CHD1L: variants seen among roughly 807,000 people sequenced by gnomAD.
CHD1L encodes the protein ATP-dependent chromatin remodeler CHD1L.
In CHD1L, 118 loss-of-function variants were observed where a neutral mutation model predicts 115.9. That is an observed-to-expected ratio of 1.02 (90% CI 0.88 to 1.19). The LOEUF (loss-of-function observed/expected upper bound fraction) is 1.19, where lower values mean the gene tolerates loss of function less well. Among genes scored for constraint, CHD1L ranks in the 50% most tolerant of loss-of-function variants. The probability of loss-of-function intolerance (pLI) is 0.00; values close to 1 mark genes in which losing one functional copy is unlikely to be tolerated. For synonymous variants in CHD1L, 411 were observed against 387.1 expected, an observed-to-expected ratio of 1.06 and a Z score of -0.72; for missense variants, 1,179 against 1,065.3, an observed-to-expected ratio of 1.11 and a Z score of -1.49.
At chr1:147,178,270 T>G in the CHD1L span, 8 of 1,613,576 alleles carry the variant, frequency 5.0e-6, no homozygotes, top group South Asian at 8.8e-5. Flanking sequence ...CGTCGAGTTC[T>G]TCGCCCCCTG....
At chr1:147,262,839 A>G (rs1672445729) in intron 6 of CHD1L, among the ~76,000 whole-genome samples, 1 of 152,090 alleles carries the variant, frequency 6.6e-6, no homozygotes. Flanking sequence ...AAATCAAAAT[A>G]TAGAAAGACA....
chr1:147,224,215 T>C, the CHD1L span: 1 of 262,992 alleles, frequency 3.8e-6, no homozygotes, highest in South Asian at 3.9e-5. Flanking sequence ...GGTGGCAGTT[T>C]TCAGAACCAA....
intron 13 of CHD1L, 38 bp from the exon 14 acceptor site, chr1:147,276,066 C>A: frequency 6.2e-7 from 1 of 1,609,656 alleles, no homozygotes; most frequent in South Asian, 1.1e-5. Flanking sequence ...GCTTTGCACA[C>A]CCTTATAGCA....
At chr1:147,257,972 A>T (rs1424967597) in intron 5 of CHD1L, among the ~76,000 whole-genome samples, 1 of 152,170 alleles carries the variant, frequency 6.6e-6, no homozygotes, top group Admixed American at 6.5e-5. Flanking sequence ...TAACAGAGGG[A>T]CATTTATAAT....
chr1:147,209,238 T>G, the CHD1L span, among the ~76,000 whole-genome samples: 3 of 152,036 alleles, frequency 2.0e-5, no homozygotes, highest in South Asian at 2.1e-4. Flanking sequence ...GCTAACACAG[T>G]GAAACCCCGT....
At chr1:147,292,290 A>G (rs1023611301) in intron 20 of CHD1L, among the ~76,000 whole-genome samples, 9 of 152,262 alleles carry the variant, frequency 5.9e-5, no homozygotes, top group Admixed American at 2.6e-4. Context: ...CTAGTCAGCC[A>G]TAATAAAGCA....
chr1:147,201,695 T>C, the CHD1L span, among the ~76,000 whole-genome samples: 1 of 152,174 alleles, frequency 6.6e-6, no homozygotes, highest in African/African-American at 2.4e-5. Flanking sequence ...AGTTGGACCC[T>C]GGATGCACTG....
chr1:147,195,922 C>A, the CHD1L span, among the ~76,000 whole-genome samples: 1 of 152,064 alleles, frequency 6.6e-6, no homozygotes, highest in Non-Finnish European at 1.5e-5. Flanking sequence ...TATTTGACTG[C>A]TCTGGCTGCT....
chr1:147,254,055 T>A (rs949585982), intron 2 of CHD1L, among the ~76,000 whole-genome samples: 2 of 152,200 alleles, frequency 1.3e-5, no homozygotes, highest in African/African-American at 4.8e-5. Flanking sequence ...TAGGACAGAT[T>A]TTTCTCAGAA....
chr1:147,250,571 T>C (rs1341422480), intron 1 of CHD1L, among the ~76,000 whole-genome samples: 1 of 152,042 alleles, frequency 6.6e-6, no homozygotes, highest in Non-Finnish European at 1.5e-5. Flanking sequence ...GGCCTCGTTA[T>C]TGGTTGGTGG....
the CHD1L span, chr1:147,178,072 G>C: frequency 1.7e-6 from 2 of 1,208,782 alleles, no homozygotes; most frequent in Non-Finnish European, 2.3e-6. Context: ...AGTCCCAGTC[G>C]AGCCGCGACC....
At chr1:147,206,998 G>C in the CHD1L span, among the ~76,000 whole-genome samples, 1 of 151,652 alleles carries the variant, frequency 6.6e-6, no homozygotes, top group Non-Finnish European at 1.5e-5. Context: ...TGGTGTGATT[G>C]ATTACCTGAC....
chr1:147,286,167 C>T (rs879972456), intron 17 of CHD1L, 131 bp from the exon 18 acceptor site: 1 of 866,572 alleles, frequency 1.2e-6, no homozygotes, highest in Non-Finnish European at 1.7e-6. Flanking sequence ...AAGTAGAAAA[C>T]TTCAATCAGG....
At chr1:147,226,760 G>C in the CHD1L span, among the ~76,000 whole-genome samples, 1 of 151,942 alleles carries the variant, frequency 6.6e-6, no homozygotes, top group African/African-American at 2.4e-5. Context: ...TATTTTGTTT[G>C]TGCCATTGAA....
chr1:147,282,211 C>T (rs1257509841), intron 15 of CHD1L, among the ~76,000 whole-genome samples: 8 of 152,156 alleles, frequency 5.3e-5, no homozygotes, highest in Non-Finnish European at 1.0e-4. Flanking sequence ...TGGAGGGCAC[C>T]TTCTCTGATC....
chr1:147,178,135 C>G, the CHD1L span: 1 of 1,603,174 alleles, frequency 6.2e-7, no homozygotes, highest in Non-Finnish European at 8.5e-7. Flanking sequence ...CCGCCCAGCG[C>G]TGTTCCCGGG....
rs781796890 is a variant in CHD1L at position 147,275,472 on chromosome 1, A to T, written c.1385+4A>T. On this transcript the variant is annotated splice_donor_region_variant and intron_variant, in intron 13 of 22. Coordinates refer to ENST00000369258, the MANE Select transcript of CHD1L (RefSeq NM_004284.6). ...CTCATCGCATTGGCCAAAACAAGTA[A>T]GTGATTTTTTTCTGCTTCCTTGGCT... 6.2e-7 allele frequency: 1 copy of T among 1,611,736 alleles called. No individual in the cohort carries two copies. Among genetic ancestry groups the T allele is most frequent in the East Asian group, 2.2e-5 (1 of 44,850 alleles).
At chr1:147,278,430 G>A (rs1398500917) in intron 14 of CHD1L, among the ~76,000 whole-genome samples, 22 of 151,354 alleles carry the variant, frequency 1.5e-4, no homozygotes, top group Admixed American at 9.2e-4. Flanking sequence ...TCACCATGTT[G>A]GCCAGACTGG....
chr1:147,209,339 G>A, the CHD1L span, among the ~76,000 whole-genome samples: 4 of 151,952 alleles, frequency 2.6e-5, no homozygotes, highest in Middle Eastern at 3.4e-3. Flanking sequence ...TCGGGAGGCT[G>A]AGGCAGGAGA....
Sources: allele counts gnomAD v4.1 joint callset (sites outside exome capture counted in the v4.1 genomes callset), GRCh38; gene constraint gnomAD v4.1.1; transcripts MANE v1.5; gene names NCBI Gene and HGNC (gene_info 2026-07-23, HGNC 2026-07-21).